SKIC8: variants seen among roughly 807,000 people sequenced by gnomAD.
SKIC8 encodes the protein SKI8 subunit of superkiller complex.
the SKIC8 span, chr15:78,296,027 C>T: frequency 4.5e-5 from 12 of 265,776 alleles, no homozygotes; most frequent in Non-Finnish European, 7.0e-5. Flanking sequence ...AGAAAAAAAC[C>T]ACAGCTCCTT....
chr15:78,295,419 G>C, the SKIC8 span: 1 of 137,858 alleles, frequency 7.3e-6, no homozygotes, highest in Non-Finnish European at 1.3e-5. Flanking sequence ...TTTTTTTTTT[G>C]TACAACATCT....
At chr15:78,299,011 T>C in the SKIC8 span, among the ~76,000 whole-genome samples, 1 of 152,286 alleles carries the variant, frequency 6.6e-6, no homozygotes, top group Non-Finnish European at 1.5e-5. Context: ...TCTTCTCTCT[T>C]TGGGAAACTT....
At chr15:78,290,949 CT>C in the SKIC8 span, 1 of 152,048 alleles carries the variant, frequency 6.6e-6, no homozygotes, top group Non-Finnish European at 1.5e-5. Flanking sequence ...CCATGTCCAG[CT>C]AATTTTTTGT....
At chr15:78,290,458 A>C in the SKIC8 span, 1 of 183,354 alleles carries the variant, frequency 5.5e-6, no homozygotes, top group Non-Finnish European at 1.1e-5. Context: ...TAATGAAAAC[A>C]TATGTCCACA....
chr15:78,289,838 TGA>T, the SKIC8 span: 2 of 1,537,800 alleles, frequency 1.3e-6, no homozygotes, highest in Non-Finnish European at 8.9e-7. Flanking sequence ...ACCACACCAG[TGA>T]GACAGCAGCT....
the SKIC8 span, among the ~76,000 whole-genome samples, chr15:78,294,053 T>C: frequency 6.6e-6 from 1 of 152,144 alleles, no homozygotes; most frequent in Non-Finnish European, 1.5e-5. Context: ...ATAAAGGCAT[T>C]AAACTTAAAA....
the SKIC8 span, chr15:78,285,987 A>T: frequency 1.4e-6 from 2 of 1,457,376 alleles, no homozygotes; most frequent in Non-Finnish European, 1.9e-6. Flanking sequence ...TCTATACAAG[A>T]AGACTGCTCT....
At chr15:78,285,129 C>T in the SKIC8 span, 2 of 760,204 alleles carry the variant, frequency 2.6e-6, no homozygotes, top group Non-Finnish European at 4.4e-6. Flanking sequence ...GATGACTGAG[C>T]AGATAGAGCA....
chr15:78,293,675 G>A, the SKIC8 span, among the ~76,000 whole-genome samples: 1 of 152,128 alleles, frequency 6.6e-6, no homozygotes, highest in South Asian at 2.1e-4. Context: ...AAACAAGCAG[G>A]CAGTTCAATT....
the SKIC8 span, chr15:78,294,933 G>T: frequency 1.2e-6 from 2 of 1,613,996 alleles, no homozygotes; most frequent in Non-Finnish European, 1.7e-6. Flanking sequence ...GCTTAAACAG[G>T]CAGGCTACTT....
chr15:78,295,554 G>T, the SKIC8 span: 1 of 1,373,424 alleles, frequency 7.3e-7, no homozygotes, highest in Non-Finnish European at 1.0e-6. Flanking sequence ...GGGTCACCCA[G>T]CTCTTTAGGA....
At chr15:78,289,809 C>A in the SKIC8 span, 1 of 1,513,504 alleles carries the variant, frequency 6.6e-7, no homozygotes. Context: ...ATCTACAGGT[C>A]TAACTGGCTA....
chr15:78,299,357 C>G, the SKIC8 span: 1 of 152,740 alleles, frequency 6.5e-6, no homozygotes, highest in South Asian at 2.1e-4. Context: ...CGGGCCTCCC[C>G]CACTCCCCTC....
chr15:78,298,801 G>T, the SKIC8 span, among the ~76,000 whole-genome samples: 1 of 152,126 alleles, frequency 6.6e-6, no homozygotes, highest in East Asian at 1.9e-4. Context: ...AGATAAGGGG[G>T]GAACTACTAT....
the SKIC8 span, chr15:78,283,687 C>T: frequency 2.1e-6 from 1 of 472,264 alleles, no homozygotes; most frequent in Non-Finnish European, 3.7e-6. Context: ...GAGCACCTTC[C>T]ATTATTGCTA....
the SKIC8 span, chr15:78,285,859 TG>T: frequency 6.5e-5 from 33 of 505,490 alleles, no homozygotes; most frequent in Middle Eastern, 1.9e-3. Flanking sequence ...AAGGATTACT[TG>T]TTGACTTTTG....
chr15:78,294,938 C>A, the SKIC8 span: 5 of 1,614,090 alleles, frequency 3.1e-6, no homozygotes, highest in Non-Finnish European at 4.2e-6. Context: ...AACAGGCAGG[C>A]TACTTACCTT....
At chr15:78,299,234 C>G in the SKIC8 span, among the ~76,000 whole-genome samples, 2 of 152,240 alleles carry the variant, frequency 1.3e-5, no homozygotes, top group African/African-American at 4.8e-5. Flanking sequence ...TACTGGAAAA[C>G]TTCGGTTAAT....
the SKIC8 span, chr15:78,292,660 T>C: frequency 6.2e-7 from 1 of 1,614,186 alleles, no homozygotes; most frequent in Non-Finnish European, 8.5e-7. Flanking sequence ...ATTTTCCAAG[T>C]CCCAAAGACG....
Sources: gnomAD v4.1 joint callset for allele counts (sites outside exome capture counted in the v4.1 genomes callset) on GRCh38, gnomAD v4.1.1 for gene constraint, MANE v1.5 for transcripts, NCBI Gene and HGNC (gene_info 2026-07-23, HGNC 2026-07-21) for gene names.